Variants in RXYLT1 observed in about 807,000 individuals in gnomAD.
RXYLT1 encodes ribitol-5-phosphate xylosyltransferase 1.
Under a neutral mutation model 43.5 loss-of-function variants are expected in RXYLT1, and 41 were observed. That is an observed-to-expected ratio of 0.94 (90% CI 0.73 to 1.22). RXYLT1 has a LOEUF of 1.22. RXYLT1 is among the 50% of genes most tolerant of loss of function. The pLI, the probability that RXYLT1 is intolerant of heterozygous loss-of-function variation, is 0.00. For synonymous variants in RXYLT1, 166 were observed against 194.4 expected (o/e 0.85, Z 1.21); for missense variants, 514 against 532.0 (o/e 0.97, Z 0.33).
chr12:63,786,568 C>T (rs1448086769), intron 3 of RXYLT1, among the ~76,000 whole-genome samples: 1 of 151,330 alleles, frequency 6.6e-6, no homozygotes, highest in Non-Finnish European at 1.5e-5. Context: ...AAAATGCTAA[C>T]AGTTATCTGA....
intron 2 of RXYLT1, among the ~76,000 whole-genome samples, 183 bp from the exon 3 acceptor site, chr12:63,784,787 A>C (rs1203138293): frequency 6.6e-6 from 1 of 152,212 alleles, no homozygotes; most frequent in East Asian, 1.9e-4. Context: ...TCTGTCTCTC[A>C]TTAGCTGCCA....
chr12:63,805,936 A>G (rs1282815642), intron 5 of RXYLT1: 1 of 152,246 alleles, frequency 6.6e-6, no homozygotes, highest in East Asian at 1.9e-4. Flanking sequence ...ATAGGGTTAA[A>G]TGTCTTCTTT....
intron 3 of RXYLT1, among the ~76,000 whole-genome samples, chr12:63,798,442 AAC>A (rs1898081926): frequency 6.6e-6 from 1 of 152,216 alleles, no homozygotes; most frequent in Admixed American, 6.5e-5. Flanking sequence ...CAAACTTTCC[AAC>A]ACACATATGT....
At chr12:63,796,588 G>C (rs1898036216) in intron 3 of RXYLT1, among the ~76,000 whole-genome samples, 1 of 152,102 alleles carries the variant, frequency 6.6e-6, no homozygotes. Context: ...TCTTAAATTA[G>C]GCCTCATCTT....
intron 2 of RXYLT1, chr12:63,782,576 T>C: frequency 2.2e-6 from 1 of 456,718 alleles, no homozygotes; most frequent in Non-Finnish European, 4.4e-6. Context: ...TAAAACATTC[T>C]GAAGAACCTT....
chr12:63,792,439 T>C (rs534200876), intron 3 of RXYLT1, among the ~76,000 whole-genome samples: 1 of 152,320 alleles, frequency 6.6e-6, no homozygotes, highest in African/African-American at 2.4e-5. Flanking sequence ...TGCCAGCTCT[T>C]GGCTCTTATG....
intron 5 of RXYLT1, chr12:63,807,111 C>T (rs1898312826): frequency 6.6e-6 from 1 of 152,352 alleles, no homozygotes; most frequent in Non-Finnish European, 1.5e-5. Context: ...CATTCCAGCT[C>T]ATTCCGTGTA....
chr12:63,782,486 A>G (rs983749371), intron 2 of RXYLT1: 5 of 455,668 alleles, frequency 1.1e-5, no homozygotes, highest in African/African-American at 8.0e-5. Flanking sequence ...CAGCTGGTAA[A>G]ATTTTCAGAG....
chr12:63,783,007 C>T (rs568491852), intron 2 of RXYLT1, among the ~76,000 whole-genome samples: 1 of 152,228 alleles, frequency 6.6e-6, no homozygotes, highest in African/African-American at 2.4e-5. Flanking sequence ...GCTTGGAACC[C>T]TCCAGCTAAT....
intron 2 of RXYLT1, among the ~76,000 whole-genome samples, chr12:63,781,504 CA>C (rs1295447289): frequency 6.6e-6 from 1 of 152,158 alleles, no homozygotes; most frequent in Non-Finnish European, 1.5e-5. Flanking sequence ...ACTTGATACA[CA>C]AGTATAAGAT....
rs1283006637 is a variant in RXYLT1, at chr12:63,808,731, A to C, written c.971A>C (p.Gln324Pro). The C allele has an allele frequency of 1.2e-6, 2 of 1,610,560 alleles. No homozygotes were observed. Among genetic ancestry groups the C allele is most frequent in the South Asian group, 2.2e-5 (2 of 89,966 alleles). Residue 324 changes from glutamine (Q) to proline (P), a missense_variant, in exon 6 of 6, where the codon CAG (glutamine) becomes CCG (proline). Transcript: ENST00000261234. ...SLKNYQDALL[Q>P]SDLTLCPVGV... ...AAGAATTACCAAGATGCCTTGCTTC[A>C]GAGTGATCTCACATTGTGCCCGGTC... is the stretch of plus-strand genomic sequence containing the variant.
At chr12:63,796,296 C>T (rs1898029466) in intron 3 of RXYLT1, among the ~76,000 whole-genome samples, 1 of 152,198 alleles carries the variant, frequency 6.6e-6, no homozygotes. Flanking sequence ...GTGTCATCCT[C>T]AGTGTGTCAT....
intron 3 of RXYLT1, among the ~76,000 whole-genome samples, chr12:63,794,927 A>G (rs1271387765): frequency 6.6e-6 from 1 of 152,216 alleles, no homozygotes; most frequent in African/African-American, 2.4e-5. Context: ...GAAGTAAGAA[A>G]TATATGTATT....
At chr12:63,782,627 T>C (rs1897711775) in intron 2 of RXYLT1, 1 of 456,606 alleles carries the variant, frequency 2.2e-6, no homozygotes, top group African/African-American at 2.0e-5. Context: ...CTCCATTAGA[T>C]GGGAAGCTCC....
In RXYLT1 at chr12:63,780,137, T is replaced by C. The variant is rs1592837383; in HGVS notation, c.169+8T>C. ...GGGAGAGACGCGGCCGAGGTAGGAC[T>C]GGGTCGGCGGCTTCCTTCCGGCTCT... On this transcript the variant is annotated splice_region_variant and intron_variant, in intron 1 of 5. Transcript: ENST00000261234. 1 of 1,474,362 alleles carries C rather than the reference T, an allele frequency of 6.8e-7. No homozygotes were observed. Among genetic ancestry groups the C allele is most frequent in the African/African-American group, 1.5e-5 (1 of 68,176 alleles). 91.3% of individuals were successfully genotyped at this position (1,474,362 alleles called of 1,614,324 possible).
chr12:63,786,073 C>G (rs533891957), intron 3 of RXYLT1, among the ~76,000 whole-genome samples: 286 of 152,152 alleles, frequency 1.9e-3, no homozygotes, highest in African/African-American at 6.6e-3. Flanking sequence ...AATAGACTTA[C>G]AATGGTTGGA....
Position 63,781,002 on chromosome 12 carries a change from TACTC to T in RXYLT1, c.170-16_170-13del. ...CAATAATACCTTACTGGTAAACACT[TACTC>T]TTTTTAAAACAGAACAGTCCACTTT... On this transcript the variant is annotated splice_polypyrimidine_tract_variant and intron_variant, in intron 1 of 5. Coordinates refer to ENST00000261234, the MANE Select transcript of RXYLT1 (RefSeq NM_014254.3). The T allele has an allele frequency of 6.4e-7, 1 of 1,554,024 alleles. No individual in the cohort carries two copies. Among genetic ancestry groups the T allele is most frequent in the Non-Finnish European group, 8.7e-7 (1 of 1,156,014 alleles).
intron 1 of RXYLT1, chr12:63,780,378 C>T (rs1897651019): frequency 1.6e-6 from 2 of 1,285,032 alleles, no homozygotes; most frequent in East Asian, 3.3e-5. Context: ...GCACGCCTTT[C>T]AAACACGTGT....
intron 3 of RXYLT1, among the ~76,000 whole-genome samples, chr12:63,794,729 G>A (rs975794480): frequency 6.6e-6 from 1 of 152,000 alleles, no homozygotes; most frequent in African/African-American, 2.4e-5. Flanking sequence ...AAGGCAGCAG[G>A]ATCACTTGAG....
Sources: allele counts gnomAD v4.1 joint callset (sites outside exome capture counted in the v4.1 genomes callset), GRCh38; gene constraint gnomAD v4.1.1; transcripts MANE v1.5; gene names NCBI Gene and HGNC (gene_info 2026-07-23, HGNC 2026-07-21).